The following HDAC9 variants were observed in gnomAD, a reference collection of about 807,000 sequenced individuals.
The protein encoded by HDAC9 is MEF-2 interacting transcription repressor (MITR) protein.
Under a neutral mutation model 139.4 loss-of-function variants are expected in HDAC9, and 41 were observed. That is an observed-to-expected ratio of 0.29 (90% CI 0.23 to 0.38). HDAC9 has a LOEUF of 0.38. HDAC9 is among the 10% of genes least tolerant of loss of function. The probability of loss-of-function intolerance (pLI) is 1.00; values close to 1 mark genes in which losing one functional copy is unlikely to be tolerated. For synonymous variants in HDAC9, 517 were observed against 476.2 expected, an observed-to-expected ratio of 1.09 and a Z score of -1.12; for missense variants, 1,147 against 1,297.0, an observed-to-expected ratio of 0.88 and a Z score of 1.78.
At chr7:18,593,808 C>T (rs758465607) in intron 5 of HDAC9, 100 bp from the exon 6 acceptor site, 12 of 1,269,990 alleles carry the variant, frequency 9.4e-6, no homozygotes, top group Non-Finnish European at 1.4e-5. Flanking sequence ...AGAGCATAAA[C>T]ATAGCTGAGG....
chr7:18,964,948 A>G (rs1444334278), intron 24 of HDAC9, among the ~76,000 whole-genome samples: 3 of 152,188 alleles, frequency 2.0e-5, no homozygotes, highest in Non-Finnish European at 4.4e-5. Context: ...TTTGAATGCA[A>G]TTTGGTTTCC....
intron 21 of HDAC9, 83 bp from the exon 22 acceptor site, chr7:18,874,395 G>T (rs1799163875): frequency 4.1e-6 from 3 of 723,114 alleles, no homozygotes; most frequent in Non-Finnish European, 7.3e-6. Flanking sequence ...GGTTCCTATT[G>T]TTGTGCCAGG....
chr7:18,935,721 T>G (rs926016366), intron 22 of HDAC9, 88 bp from the exon 23 acceptor site: 6 of 1,222,828 alleles, frequency 4.9e-6, no homozygotes, highest in African/African-American at 3.0e-5. Context: ...TAGTAATGAC[T>G]TACTCAAAAT....
intron 21 of HDAC9, among the ~76,000 whole-genome samples, chr7:18,865,530 G>T (rs1042139936): frequency 1.3e-5 from 2 of 152,130 alleles, no homozygotes; most frequent in African/African-American, 4.8e-5. Flanking sequence ...TGTGCTTAGC[G>T]CTCCTAGTGC....
At chr7:18,358,141 A>C (rs1783474877) in intron 1 of HDAC9, among the ~76,000 whole-genome samples, 1 of 152,140 alleles carries the variant, frequency 6.6e-6, no homozygotes, top group Admixed American at 6.5e-5. Flanking sequence ...GTGAGCTGAG[A>C]TGGTGCCATG....
intron 17 of HDAC9, among the ~76,000 whole-genome samples, chr7:18,807,167 ACT>A (rs1793777842): frequency 6.6e-6 from 1 of 151,510 alleles, no homozygotes; most frequent in Non-Finnish European, 1.5e-5. Flanking sequence ...CTTCATGAAG[ACT>A]CTGTTTCTCA....
At chr7:18,250,283 T>C (rs1278269659) in intron 2 of HDAC9, among the ~76,000 whole-genome samples, 1 of 152,180 alleles carries the variant, frequency 6.6e-6, no homozygotes, top group Non-Finnish European at 1.5e-5. Flanking sequence ...TCACAGAAAT[T>C]AGTGTCTCAG....
intron 2 of HDAC9, among the ~76,000 whole-genome samples, chr7:18,510,514 G>A (rs1358352611): frequency 7.9e-5 from 12 of 151,840 alleles, no homozygotes; most frequent in Non-Finnish European, 1.3e-4. Flanking sequence ...TAGATAAGGG[G>A]CAAAAATAGG....
chr7:18,454,989 G>C (rs983984578), intron 1 of HDAC9, among the ~76,000 whole-genome samples: 6 of 152,000 alleles, frequency 3.9e-5, no homozygotes, highest in African/African-American at 1.4e-4. Flanking sequence ...TTTCTAATAA[G>C]GTGTCTCTGA....
chr7:18,411,107 C>A (rs1788502662), intron 1 of HDAC9, among the ~76,000 whole-genome samples: 1 of 152,136 alleles, frequency 6.6e-6, no homozygotes. Flanking sequence ...CAAATAAGCC[C>A]AGAGTTCCAG....
intron 1 of HDAC9, among the ~76,000 whole-genome samples, chr7:18,094,814 C>T (rs1318694227): frequency 6.6e-6 from 1 of 151,962 alleles, no homozygotes; most frequent in Non-Finnish European, 1.5e-5. Context: ...TTAAGGATTT[C>T]AATCCTAAAC....
At chr7:18,650,829 T>C (rs1397041530) in intron 11 of HDAC9, among the ~76,000 whole-genome samples, 1 of 152,182 alleles carries the variant, frequency 6.6e-6, no homozygotes, top group Non-Finnish European at 1.5e-5. Context: ...AGCTGATCTT[T>C]ATATGTTAAC....
intron 1 of HDAC9, among the ~76,000 whole-genome samples, chr7:18,149,264 T>C (rs1317822629): frequency 6.6e-6 from 1 of 151,808 alleles, no homozygotes; most frequent in African/African-American, 2.4e-5. Context: ...CTTACTCGTT[T>C]ATACATAAGA....
At chr7:18,108,776 C>G (rs750086064) in intron 1 of HDAC9, among the ~76,000 whole-genome samples, 2 of 151,988 alleles carry the variant, frequency 1.3e-5, no homozygotes, top group Non-Finnish European at 2.9e-5. Context: ...CGCGTGCCAC[C>G]ACACCCAGCT....
chr7:18,583,406 G>A (rs112486912), intron 2 of HDAC9, among the ~76,000 whole-genome samples: 7 of 152,172 alleles, frequency 4.6e-5, no homozygotes, highest in African/African-American at 1.7e-4. Context: ...GAAGCATTTT[G>A]TTTGGTTCCT....
intron 25 of HDAC9, among the ~76,000 whole-genome samples, chr7:18,994,471 T>A (rs17435730): frequency 0.038 from 5,788 of 152,278 alleles, 163 homozygotes; most frequent in Middle Eastern, 0.078. Flanking sequence ...AAACTCTCTC[T>A]CACAACCTCC....
intron 2 of HDAC9, among the ~76,000 whole-genome samples, chr7:18,579,164 A>G (rs1275431639): frequency 1.3e-5 from 2 of 152,214 alleles, no homozygotes; most frequent in Non-Finnish European, 2.9e-5. Flanking sequence ...CCAGCCTGCC[A>G]TGGCAAAGAT....
intron 1 of HDAC9, among the ~76,000 whole-genome samples, chr7:18,140,563 T>C (rs920447919): frequency 9.9e-5 from 15 of 152,216 alleles, no homozygotes; most frequent in African/African-American, 3.6e-4. Context: ...TTATACATTA[T>C]GCTTAGGCTA....
rs1786717159 is a variant in HDAC9 at position 19,000,906 on chromosome 7, C to CT, written c.*4845dup. 6.6e-6 allele frequency: 1 copy of CT among 152,312 alleles called. No individual in the cohort carries two copies. Among genetic ancestry groups the CT allele is most frequent in the Middle Eastern group, 3.4e-3 (1 of 294 alleles). 9.4% of individuals were successfully genotyped at this position (152,312 alleles called of 1,614,324 possible). A position where few individuals can be genotyped will look rare whatever the true frequency, so the allele number is the denominator to read the frequency against. Reference sequence around the variant, plus strand: ...TGACAACTTATTTTCTGAGATACCACTAGGCCTACTGTCTTTCATGCCATT... The same window carrying CT: ...TGACAACTTATTTTCTGAGATACCACTTAGGCCTACTGTCTTTCATGCCATT... On this transcript the variant is annotated 3_prime_UTR_variant, in exon 26 of 26. Coordinates refer to ENST00000686413, the MANE Select transcript of HDAC9 (RefSeq NM_178425.4).
Sources: gnomAD v4.1 joint callset for allele counts (sites outside exome capture counted in the v4.1 genomes callset) on GRCh38, gnomAD v4.1.1 for gene constraint, MANE v1.5 for transcripts, NCBI Gene and HGNC (gene_info 2026-07-23, HGNC 2026-07-21) for gene names.